Variants in CABLES1 observed in about 807,000 individuals in gnomAD.
The protein encoded by CABLES1 is Cdk5 and Abl enzyme substrate 1.
CABLES1 carries 36 observed loss-of-function variants against 57.8 expected under a neutral mutation model. The observed-to-expected ratio is 0.62, with a 90% CI of 0.48 to 0.82. CABLES1 has a LOEUF of 0.82. Among genes scored for constraint, CABLES1 ranks in the 40% least tolerant of loss-of-function variants. The pLI, the probability that CABLES1 is intolerant of heterozygous loss-of-function variation, is 0.00. For synonymous variants in CABLES1, 374 were observed against 363.0 expected (o/e 1.03, Z -0.35); for missense variants, 767 against 836.6 (o/e 0.92, Z 1.03).
In CABLES1 at chr18:23,136,109, G is replaced by C. The variant is rs1214633132; in HGVS notation, c.347G>C (p.Arg116Pro). 2 of 1,187,124 alleles carry C rather than the reference G, an allele frequency of 1.7e-6. No homozygotes were observed. Among genetic ancestry groups the C allele is most frequent in the African/African-American group, 1.6e-5 (1 of 62,356 alleles). 73.5% of individuals were successfully genotyped at this position (1,187,124 alleles called of 1,614,324 possible). Residue 116 changes from arginine (R) to proline (P), a missense_variant, in exon 1 of 10, where the codon CGG (arginine) becomes CCG (proline). Coordinates refer to ENST00000256925, the MANE Select transcript of CABLES1 (RefSeq NM_001100619.3). ...TRFSLLAAAE[R>P]GGCIALAAPG... ...TTCAGCTTGCTCGCCGCTGCCGAGC[G>C]GGGCGGCTGCATCGCGCTCGCCGCG...
intron 4 of CABLES1, among the ~76,000 whole-genome samples, chr18:23,228,746 TAAA>T (rs572362933): frequency 7.2e-5 from 9 of 125,710 alleles, no homozygotes; most frequent in Non-Finnish European, 8.5e-5. Flanking sequence ...AGCCTTTGTT[TAAA>T]AAAAAAAAAA....
At chr18:23,222,989 G>A (rs932789609) in intron 4 of CABLES1, among the ~76,000 whole-genome samples, 2 of 152,216 alleles carry the variant, frequency 1.3e-5, no homozygotes, top group African/African-American at 4.8e-5. Context: ...CTCGCAGCCT[G>A]TGCAGTTCTC....
chr18:23,219,975 G>T (rs1358450699), intron 4 of CABLES1, among the ~76,000 whole-genome samples: 1 of 152,084 alleles, frequency 6.6e-6, no homozygotes, highest in Admixed American at 6.5e-5. Flanking sequence ...ATTTTTTCTT[G>T]GTGTGGGCCG....
chr18:23,162,033 C>T (rs533302583), intron 1 of CABLES1, among the ~76,000 whole-genome samples: 2 of 151,852 alleles, frequency 1.3e-5, no homozygotes, highest in African/African-American at 2.4e-5. Context: ...GGCATGGTGT[C>T]GTGCACCTGC....
intron 1 of CABLES1, among the ~76,000 whole-genome samples, chr18:23,148,467 G>A (rs931260337): frequency 6.6e-6 from 1 of 152,182 alleles, no homozygotes; most frequent in African/African-American, 2.4e-5. Context: ...TGGTTAAACA[G>A]AGTTGGGTCT....
intron 4 of CABLES1, among the ~76,000 whole-genome samples, chr18:23,219,972 C>T (rs557546821): frequency 1.6e-3 from 245 of 152,204 alleles, no homozygotes; most frequent in Middle Eastern, 3.4e-3. Flanking sequence ...CACATTTTTT[C>T]TTGGTGTGGG....
intron 4 of CABLES1, among the ~76,000 whole-genome samples, chr18:23,215,986 C>A (rs2047439110): frequency 6.6e-6 from 1 of 152,140 alleles, no homozygotes; most frequent in African/African-American, 2.4e-5. Flanking sequence ...GATCTCCTGA[C>A]CTCGTGATCT....
chr18:23,155,837 T>C, intron 1 of CABLES1: 1 of 1,610,664 alleles, frequency 6.2e-7, no homozygotes, highest in South Asian at 1.1e-5. Context: ...CCATTTTTCT[T>C]CCTGGTGTTT....
chr18:23,206,356 A>G (rs2047363460), intron 3 of CABLES1, among the ~76,000 whole-genome samples: 1 of 152,370 alleles, frequency 6.6e-6, no homozygotes, highest in Non-Finnish European at 1.5e-5. Context: ...ACCCTCAGCT[A>G]CGCTGAATTA....
At position 23,135,623 on chromosome 18, in the gene CABLES1, G is replaced by A. The variant is rs1465627120; in HGVS notation, c.-140G>A. On this transcript the variant is annotated 5_prime_UTR_variant, in exon 1 of 10. Transcript: ENST00000256925. Reference sequence around the variant, plus strand: ...GAGGGGCGAGCATGGCCCGCCCGCGGGGGGGCTGGACCGCCGCGCACGCCG... The same window carrying A: ...GAGGGGCGAGCATGGCCCGCCCGCGAGGGGGCTGGACCGCCGCGCACGCCG... The A allele has an allele frequency of 1.5e-6, 1 of 667,864 alleles. No individual in the cohort carries two copies. The highest frequency in any genetic ancestry group is 1.8e-6 in the Non-Finnish European group (1 of 541,254). 41.4% of individuals were successfully genotyped at this position (667,864 alleles called of 1,614,324 possible).
At chr18:23,254,818 G>T (rs1216353274) in intron 9 of CABLES1, among the ~76,000 whole-genome samples, 4 of 152,140 alleles carry the variant, frequency 2.6e-5, no homozygotes, top group Non-Finnish European at 5.9e-5. Flanking sequence ...CACTCCCAAA[G>T]GCCCCATCTC....
intron 4 of CABLES1, among the ~76,000 whole-genome samples, chr18:23,222,381 G>T (rs919816671): frequency 4.6e-5 from 7 of 151,820 alleles, no homozygotes; most frequent in African/African-American, 1.7e-4. Context: ...GGTGTGGATT[G>T]CATCTTAATC....
chr18:23,230,444 G>A (rs1334747145), intron 4 of CABLES1, among the ~76,000 whole-genome samples: 1 of 152,146 alleles, frequency 6.6e-6, no homozygotes, highest in Non-Finnish European at 1.5e-5. Context: ...TTCTGTGGAC[G>A]GCTGACTATG....
At chr18:23,153,180 C>T (rs1414691244) in intron 1 of CABLES1, among the ~76,000 whole-genome samples, 3 of 151,968 alleles carry the variant, frequency 2.0e-5, no homozygotes, top group Non-Finnish European at 4.4e-5. Flanking sequence ...ACTGCAGCCT[C>T]GACCTCCTGG....
At chr18:23,243,503 T>A (rs1489755843) in intron 7 of CABLES1, among the ~76,000 whole-genome samples, 1 of 150,314 alleles carries the variant, frequency 6.7e-6, no homozygotes, top group African/African-American at 2.4e-5. Flanking sequence ...CTTTTTGTTG[T>A]TGTTAACAGC....
intron 1 of CABLES1, among the ~76,000 whole-genome samples, chr18:23,144,575 T>G (rs1057101809): frequency 6.6e-6 from 1 of 152,194 alleles, no homozygotes; most frequent in Non-Finnish European, 1.5e-5. Flanking sequence ...GTTGTTTTAT[T>G]TGCGTGGCAG....
In CABLES1 at chr18:23,257,262, A is replaced by G. The variant is rs1424057446; in HGVS notation, c.1797A>G (p.Glu599=). Residue 599 remains glutamate (E), a synonymous_variant, in exon 10 of 10, where the codon GAA becomes GAG. Coordinates refer to ENST00000256925, the MANE Select transcript of CABLES1 (RefSeq NM_001100619.3). ...LEEKFRLNRR[E]LIAFEFPVLV... Reference sequence around the variant, plus strand: ...AGAAGTTCCGGCTGAACAGGCGAGAACTGATTGCCTTTGAATTCCCGGTGT... The same window carrying G: ...AGAAGTTCCGGCTGAACAGGCGAGAGCTGATTGCCTTTGAATTCCCGGTGT... 1.2e-6 allele frequency: 2 copies of G among 1,612,738 alleles called. No individual in the cohort carries two copies. Among genetic ancestry groups the G allele is most frequent in the Non-Finnish European group, 1.7e-6 (2 of 1,179,718 alleles).
intron 3 of CABLES1, among the ~76,000 whole-genome samples, chr18:23,206,321 T>C (rs77791315): frequency 6.6e-6 from 1 of 152,210 alleles, no homozygotes; most frequent in East Asian, 1.9e-4. Flanking sequence ...GCCTCACATT[T>C]GGACTCATGC....
intron 1 of CABLES1, among the ~76,000 whole-genome samples, chr18:23,138,432 T>A (rs1160785352): frequency 6.6e-6 from 1 of 152,248 alleles, no homozygotes; most frequent in Non-Finnish European, 1.5e-5. Flanking sequence ...ATCCTATTTC[T>A]GAATAATCCG....
Sources: gnomAD v4.1 joint callset for allele counts (sites outside exome capture counted in the v4.1 genomes callset) on GRCh38, gnomAD v4.1.1 for gene constraint, MANE v1.5 for transcripts, NCBI Gene and HGNC (gene_info 2026-07-23, HGNC 2026-07-21) for gene names.